HCN1: variants seen among roughly 807,000 people sequenced by gnomAD.
The protein encoded by HCN1 is potassium/sodium hyperpolarization-activated cyclic nucleotide-gated channel 1.
In HCN1, 13 loss-of-function variants were observed where a neutral mutation model predicts 78.9. That is an observed-to-expected ratio of 0.16 (90% CI 0.11 to 0.26). The LOEUF is 0.26. Among genes scored for constraint, HCN1 ranks in the 10% least tolerant of loss-of-function variants. HCN1 has a pLI of 1.00. For synonymous variants in HCN1, 552 were observed against 455.5 expected, an observed-to-expected ratio of 1.21 and a Z score of -2.70; for missense variants, 810 against 1,154.3, an observed-to-expected ratio of 0.70 and a Z score of 4.32.
At chr5:45,265,795 T>C (rs1474397706) in intron 7 of HCN1, among the ~76,000 whole-genome samples, 1 of 152,182 alleles carries the variant, frequency 6.6e-6, no homozygotes, top group Non-Finnish European at 1.5e-5. Context: ...GTATACTAGG[T>C]ACTGTGAATG....
intron 2 of HCN1, among the ~76,000 whole-genome samples, chr5:45,625,327 C>CA (rs933284680): frequency 1.4e-4 from 20 of 143,268 alleles, no homozygotes; most frequent in African/African-American, 3.0e-4. Context: ...CAAAACAAAA[C>CA]AAAAAAAACT....
chr5:45,347,597 A>G (rs999651758), intron 5 of HCN1, among the ~76,000 whole-genome samples: 1 of 152,212 alleles, frequency 6.6e-6, no homozygotes, highest in Admixed American at 6.5e-5. Flanking sequence ...AACCAAAGGC[A>G]AAGAAGTTGA....
intron 2 of HCN1, among the ~76,000 whole-genome samples, chr5:45,614,757 T>A (rs973792239): frequency 3.0e-4 from 46 of 152,052 alleles, no homozygotes; most frequent in African/African-American, 1.1e-3. Flanking sequence ...TTGATACATA[T>A]AAACAGTACT....
chr5:45,668,195 A>T (rs1196603236), intron 1 of HCN1, among the ~76,000 whole-genome samples: 1 of 151,946 alleles, frequency 6.6e-6, no homozygotes, highest in African/African-American at 2.4e-5. Context: ...TTTATTATCA[A>T]AATAGATAGC....
intron 3 of HCN1, among the ~76,000 whole-genome samples, chr5:45,433,713 T>A (rs1457987170): frequency 6.6e-6 from 1 of 152,230 alleles, no homozygotes; most frequent in African/African-American, 2.4e-5. Context: ...GCAATTTTTA[T>A]GTGTTTTGTT....
chr5:45,421,565 A>C, intron 3 of HCN1, among the ~76,000 whole-genome samples: 1 of 152,186 alleles, frequency 6.6e-6, no homozygotes, highest in Non-Finnish European at 1.5e-5. Flanking sequence ...CAAAACAAAA[A>C]AAAACCAAGA....
chr5:45,498,534 C>G (rs1742104550), intron 2 of HCN1, among the ~76,000 whole-genome samples: 1 of 152,150 alleles, frequency 6.6e-6, no homozygotes. Context: ...GTTTGAATCT[C>G]CTCCCATTGC....
intron 1 of HCN1, among the ~76,000 whole-genome samples, chr5:45,689,339 A>T (rs1454229107): frequency 6.6e-6 from 1 of 152,126 alleles, no homozygotes; most frequent in African/African-American, 2.4e-5. Context: ...GTTTGGCAAG[A>T]AAAGTCTATT....
At chr5:45,470,207 T>C (rs1204095742) in intron 2 of HCN1, among the ~76,000 whole-genome samples, 2 of 151,938 alleles carry the variant, frequency 1.3e-5, no homozygotes, top group Non-Finnish European at 2.9e-5. Context: ...TTTGAGTGGG[T>C]TTGTGTCAGA....
chr5:45,371,807 T>A (rs1437019450), intron 4 of HCN1, among the ~76,000 whole-genome samples: 1 of 135,940 alleles, frequency 7.4e-6, no homozygotes, highest in African/African-American at 2.7e-5. Flanking sequence ...ACACACAAGG[T>A]GTATATGTGC....
chr5:45,262,422 G>T lies in HCN1; in HGVS notation c.2172C>A (p.Ala724=), dbSNP rs56217199. ...ARTFHYASPT[A]SQLSLMQQQP... is the part of the protein sequence containing the mutation. ...GCTGTTGCATGAGTGACAGCTGGGAGGCGGTGGGGGAGGCATAGTGGAAAG... is the reference window on the plus strand; with the variant it reads ...GCTGTTGCATGAGTGACAGCTGGGATGCGGTGGGGGAGGCATAGTGGAAAG... Residue 724 remains alanine, a synonymous_variant, in exon 8 of 8, where the codon GCC becomes GCA. Coordinates refer to ENST00000303230, the MANE Select transcript of HCN1 (RefSeq NM_021072.4). The T allele has an allele frequency of 6.2e-7, 1 of 1,611,622 alleles. No individual in the cohort carries two copies.
At chr5:45,606,379 G>T (rs2111971554) in intron 2 of HCN1, among the ~76,000 whole-genome samples, 1 of 151,940 alleles carries the variant, frequency 6.6e-6, no homozygotes, top group African/African-American at 2.4e-5. Flanking sequence ...ATTAAAAATA[G>T]GAAAAAAAGA....
chr5:45,381,628 C>G, intron 4 of HCN1, among the ~76,000 whole-genome samples: 1 of 152,088 alleles, frequency 6.6e-6, no homozygotes, highest in East Asian at 1.9e-4. Context: ...AGATTCATCA[C>G]CTGCCTATAA....
intron 4 of HCN1, among the ~76,000 whole-genome samples, chr5:45,367,366 C>T (rs951647757): frequency 6.6e-6 from 1 of 151,696 alleles, no homozygotes. Context: ...ATTTTGTACA[C>T]ATACATGTCA....
At chr5:45,342,951 T>C (rs1400612506) in intron 5 of HCN1, among the ~76,000 whole-genome samples, 3 of 152,214 alleles carry the variant, frequency 2.0e-5, no homozygotes, top group African/African-American at 7.2e-5. Flanking sequence ...AGCACTCTTA[T>C]ATTACGGACT....
In HCN1 at chr5:45,376,069, T is replaced by A. The variant is rs1747646215; in HGVS notation, c.1230+20423A>T. On this transcript the variant is annotated intron_variant, in intron 4 of 7. Transcript: ENST00000303230. ...AATATATATTATATACAATATAATA[T>A]GTTATAATATATATTATATTATATA... 2.7e-5 allele frequency among the ~76,000 whole-genome samples: 3 copies of A among 111,622 alleles called. No homozygotes were observed. The Admixed American group carries it at 3.6e-4, about 13-fold the overall frequency. The allele number at this position is 111,622 out of a possible 152,430, so 73.2% of individuals were successfully genotyped here.
chr5:45,573,652 C>A (rs1188642634), intron 2 of HCN1, among the ~76,000 whole-genome samples: 1 of 151,836 alleles, frequency 6.6e-6, no homozygotes, highest in Non-Finnish European at 1.5e-5. Flanking sequence ...AAATTGCTCC[C>A]CTAATGCCAT....
At chr5:45,500,516 T>C (rs1337643834) in intron 2 of HCN1, among the ~76,000 whole-genome samples, 1 of 152,216 alleles carries the variant, frequency 6.6e-6, no homozygotes, top group Non-Finnish European at 1.5e-5. Context: ...GGTAAAGGAC[T>C]TTTGGATTAG....
intron 2 of HCN1, among the ~76,000 whole-genome samples, chr5:45,580,931 C>A (rs1016901860): frequency 1.1e-4 from 17 of 152,160 alleles, no homozygotes; most frequent in African/African-American, 3.9e-4. Flanking sequence ...TTAATCCAGT[C>A]TATCATTGTT....
Sources: allele counts gnomAD v4.1 joint callset (sites outside exome capture counted in the v4.1 genomes callset), GRCh38; gene constraint gnomAD v4.1.1; transcripts MANE v1.5; gene names NCBI Gene and HGNC (gene_info 2026-07-23, HGNC 2026-07-21).